The following LUZP2 variants were observed in gnomAD, a reference collection of about 807,000 sequenced individuals.
LUZP2 encodes leucine zipper protein 2.
A neutral mutation model predicts 51.6 loss-of-function variants in LUZP2; 52 were observed. The ratio of observed to expected loss-of-function variants is 1.01; its 90% CI spans 0.81 to 1.27. The LOEUF is 1.27. Among genes scored for constraint, LUZP2 ranks in the 50% most tolerant of loss-of-function variants. The pLI is 0.00. For synonymous variants in LUZP2, 154 were observed against 137.3 expected, an observed-to-expected ratio of 1.12 and a Z score of -0.85; for missense variants, 436 against 395.4, an observed-to-expected ratio of 1.10 and a Z score of -0.87.
intron 9 of LUZP2, among the ~76,000 whole-genome samples, chr11:25,046,315 G>A (rs1029759201): frequency 1.3e-5 from 2 of 151,854 alleles, no homozygotes; most frequent in Non-Finnish European, 2.9e-5. Context: ...TTGAGATACA[G>A]ATCTGTTTCA....
intron 1 of LUZP2, among the ~76,000 whole-genome samples, chr11:24,558,602 G>A (rs1311204841): frequency 1.3e-5 from 2 of 152,034 alleles, no homozygotes; most frequent in Non-Finnish European, 2.9e-5. Flanking sequence ...TGAAAATTTT[G>A]TTTCTTCCAA....
At chr11:24,893,243 A>C (rs1459431272) in intron 5 of LUZP2, 2 of 152,156 alleles carry the variant, frequency 1.3e-5, no homozygotes, top group Non-Finnish European at 2.9e-5. Context: ...TAATAACTAC[A>C]AGTTGAATAA....
intron 7 of LUZP2, among the ~76,000 whole-genome samples, chr11:24,963,706 C>T (rs537834272): frequency 6.6e-6 from 1 of 152,270 alleles, no homozygotes; most frequent in Non-Finnish European, 1.5e-5. Context: ...CTCCTTGACC[C>T]CTTGTGCTTC....
chr11:24,863,314 A>G (rs1851793286), intron 5 of LUZP2, among the ~76,000 whole-genome samples: 1 of 152,346 alleles, frequency 6.6e-6, no homozygotes, highest in African/African-American at 2.4e-5. Context: ...ATGTCCATCA[A>G]CTGATAAATA....
rs1429244228 is a variant in LUZP2 at position 24,660,383 on chromosome 11, T to C, written c.63-68786T>C. Among the ~76,000 whole-genome samples, 5 of 152,198 alleles carry C rather than the reference T, an allele frequency of 3.3e-5. No homozygotes were observed. The East Asian group carries it at 9.6e-4, about 29-fold the overall frequency. On this transcript the variant is annotated intron_variant, in intron 1 of 11. Coordinates refer to ENST00000336930, the MANE Select transcript of LUZP2 (RefSeq NM_001009909.4). ...TCTAGATTATCTGCTACAACTATAATGTGATGTGAAAATATCTGTGTTTTT... is the reference window on the plus strand; with the variant it reads ...TCTAGATTATCTGCTACAACTATAACGTGATGTGAAAATATCTGTGTTTTT...
intron 7 of LUZP2, among the ~76,000 whole-genome samples, chr11:24,972,240 T>C (rs908878594): frequency 6.6e-6 from 1 of 150,824 alleles, no homozygotes; most frequent in Non-Finnish European, 1.5e-5. Context: ...CCTGCCCTGA[T>C]ACAAGCTTCC....
intron 9 of LUZP2, among the ~76,000 whole-genome samples, chr11:25,014,633 G>A (rs1418578434): frequency 6.6e-6 from 1 of 152,152 alleles, no homozygotes; most frequent in African/African-American, 2.4e-5. Flanking sequence ...AGAGTTCATT[G>A]TAGATTCTGG....
intron 10 of LUZP2, among the ~76,000 whole-genome samples, chr11:25,076,602 C>G (rs1590903210): frequency 1.2e-5 from 1 of 85,646 alleles, no homozygotes; most frequent in Admixed American, 1.6e-4. Context: ...GAAGAGGGAA[C>G]TAAGGAAGGA....
intron 5 of LUZP2, among the ~76,000 whole-genome samples, chr11:24,859,378 T>G (rs1224688687): frequency 1.3e-5 from 2 of 152,154 alleles, no homozygotes; most frequent in African/African-American, 4.8e-5. Flanking sequence ...TTCTCCCACT[T>G]TAAACCATAT....
At chr11:24,624,547 T>C (rs1854612743) in intron 1 of LUZP2, among the ~76,000 whole-genome samples, 1 of 152,120 alleles carries the variant, frequency 6.6e-6, no homozygotes, top group Admixed American at 6.5e-5. Flanking sequence ...CCTGCAATCA[T>C]TGTAAGGAAT....
At chr11:24,904,699 T>A (rs1230717594) in intron 5 of LUZP2, among the ~76,000 whole-genome samples, 2 of 152,192 alleles carry the variant, frequency 1.3e-5, no homozygotes, top group African/African-American at 2.4e-5. Context: ...CGTTCTCCCA[T>A]CCTTCAGCTT....
intron 1 of LUZP2, among the ~76,000 whole-genome samples, chr11:24,690,700 T>G (rs1031900184): frequency 1.3e-5 from 2 of 152,086 alleles, no homozygotes; most frequent in African/African-American, 4.8e-5. Flanking sequence ...CAGTCAATTA[T>G]GTTACTCTCT....
chr11:24,815,126 G>A (rs570741297), intron 5 of LUZP2, among the ~76,000 whole-genome samples: 1 of 152,138 alleles, frequency 6.6e-6, no homozygotes, highest in East Asian at 1.9e-4. Flanking sequence ...TTAAAATGTA[G>A]GTTTTAATTT....
intron 1 of LUZP2, among the ~76,000 whole-genome samples, chr11:24,539,310 G>T (rs755878407): frequency 1.3e-5 from 2 of 151,718 alleles, no homozygotes; most frequent in Non-Finnish European, 2.9e-5. Flanking sequence ...ATAAGTCCTC[G>T]TTGCCACAGA....
intron 1 of LUZP2, among the ~76,000 whole-genome samples, chr11:24,518,617 G>C (rs1850550683): frequency 6.6e-6 from 1 of 152,118 alleles, no homozygotes; most frequent in African/African-American, 2.4e-5. Context: ...AGATGATAGT[G>C]GGTTTTTATG....
intron 5 of LUZP2, among the ~76,000 whole-genome samples, chr11:24,867,856 A>G (rs1851945265): frequency 6.6e-6 from 1 of 152,174 alleles, no homozygotes; most frequent in Non-Finnish European, 1.5e-5. Context: ...TTTAAAATGT[A>G]AATTTGGTCC....
chr11:24,774,831 C>T (rs970196722), intron 5 of LUZP2, among the ~76,000 whole-genome samples: 5 of 139,548 alleles, frequency 3.6e-5, no homozygotes, highest in Non-Finnish European at 4.6e-5. Flanking sequence ...ATATAGAATA[C>T]ATTCTATATA....
intron 9 of LUZP2, among the ~76,000 whole-genome samples, chr11:24,989,708 A>G (rs577218930): frequency 9.2e-5 from 14 of 152,228 alleles, no homozygotes; most frequent in African/African-American, 2.9e-4. Flanking sequence ...GAGCTTGCCA[A>G]ATTTCTAGAT....
chr11:24,672,577 T>C (rs1565068039), intron 1 of LUZP2, among the ~76,000 whole-genome samples: 1 of 152,152 alleles, frequency 6.6e-6, no homozygotes, highest in East Asian at 1.9e-4. Flanking sequence ...CCATTAAAAA[T>C]AAAAAACTAC....
Sources: allele counts gnomAD v4.1 joint callset (sites outside exome capture counted in the v4.1 genomes callset), GRCh38; gene constraint gnomAD v4.1.1; transcripts MANE v1.5; gene names NCBI Gene and HGNC (gene_info 2026-07-23, HGNC 2026-07-21).